Variants in MSI2 observed in about 807,000 individuals in gnomAD.
MSI2 encodes musashi RNA binding protein 2, also known as RNA-binding protein Musashi homolog 2.
Under a neutral mutation model 45.6 loss-of-function variants are expected in MSI2, and 17 were observed. The ratio of observed to expected loss-of-function variants is 0.37; its 90% CI spans 0.26 to 0.56. MSI2 has a LOEUF of 0.56. Ranked by LOEUF, MSI2 falls within the 20% of genes least tolerant of loss-of-function variation. The pLI is 0.77. For synonymous variants in MSI2, 156 were observed against 158.2 expected, an observed-to-expected ratio of 0.99 and a Z score of 0.11; for missense variants, 293 against 444.2, an observed-to-expected ratio of 0.66 and a Z score of 3.06.
intron 8 of MSI2, among the ~76,000 whole-genome samples, chr17:57,597,537 G>A (rs1278509301): frequency 1.3e-5 from 2 of 150,370 alleles, no homozygotes; most frequent in African/African-American, 2.5e-5. Context: ...GAGGTGAGAG[G>A]ATCACCTGAC....
chr17:57,512,081 G>A (rs144513576), intron 6 of MSI2, among the ~76,000 whole-genome samples: 56 of 152,296 alleles, frequency 3.7e-4, no homozygotes, highest in Non-Finnish European at 6.2e-4. Context: ...GTGCATGAAT[G>A]AATGACTAAA....
chr17:57,572,305 C>T (rs956350195), intron 7 of MSI2, among the ~76,000 whole-genome samples: 3 of 152,288 alleles, frequency 2.0e-5, no homozygotes, highest in East Asian at 3.9e-4. Context: ...ATTTTGGGTT[C>T]GCTAAGCAAG....
intron 5 of MSI2, among the ~76,000 whole-genome samples, chr17:57,272,547 G>C (rs1310149342): frequency 6.6e-6 from 1 of 152,200 alleles, no homozygotes; most frequent in Non-Finnish European, 1.5e-5. Flanking sequence ...GGCAACAACT[G>C]CTTCTTAAAT....
At chr17:57,262,801 C>T (rs1170489118) in intron 5 of MSI2, among the ~76,000 whole-genome samples, 1 of 152,202 alleles carries the variant, frequency 6.6e-6, no homozygotes, top group Non-Finnish European at 1.5e-5. Context: ...AGTGGCACTA[C>T]AAGACTTGCT....
intron 6 of MSI2, among the ~76,000 whole-genome samples, chr17:57,447,596 G>T (rs1382351330): frequency 6.6e-6 from 1 of 151,712 alleles, no homozygotes; most frequent in Admixed American, 6.6e-5. Flanking sequence ...GGGTGGGGGG[G>T]GTGTCTCAGG....
At chr17:57,333,241 A>G (rs1239654986) in intron 5 of MSI2, among the ~76,000 whole-genome samples, 1 of 152,166 alleles carries the variant, frequency 6.6e-6, no homozygotes, top group Non-Finnish European at 1.5e-5. Flanking sequence ...ACCCTGGGAA[A>G]GGTGTCTAGA....
At chr17:57,428,410 A>G (rs1239754162) in intron 6 of MSI2, among the ~76,000 whole-genome samples, 1 of 151,828 alleles carries the variant, frequency 6.6e-6, no homozygotes, top group Non-Finnish European at 1.5e-5. Context: ...TATTTTTTAA[A>G]AGAGATGTGG....
intron 6 of MSI2, among the ~76,000 whole-genome samples, chr17:57,517,218 G>A (rs1470327753): frequency 6.6e-6 from 1 of 152,200 alleles, no homozygotes; most frequent in Non-Finnish European, 1.5e-5. Context: ...GGACTCTAGG[G>A]ATGACTTTAG....
At chr17:57,687,013 C>G (rs1347990280), downstream of MSI2, among the ~76,000 whole-genome samples, 3 of 147,618 alleles carry the variant, frequency 2.0e-5, no homozygotes, top group East Asian at 3.9e-4. Flanking sequence ...CAGCCCCCCC[C>G]CCAAAAAATT....
chr17:57,643,137 G>A (rs1331754418), intron 10 of MSI2, among the ~76,000 whole-genome samples: 1 of 152,186 alleles, frequency 6.6e-6, no homozygotes, highest in Non-Finnish European at 1.5e-5. Context: ...CTCCACAGGG[G>A]ATTTCTGGCT....
At position 57,472,129 on chromosome 17, in the gene MSI2, G is replaced by A. The variant is rs143206976; in HGVS notation, c.406-57547G>A. ...GCTGCCGGTTCCTGCCTGTGAGTGG[G>A]CCTTGCTTTAAGCAAGGTTGAGAGC... On this transcript the variant is annotated intron_variant, in intron 6 of 13. Transcript: ENST00000284073. Among the ~76,000 whole-genome samples, 5 of 152,294 alleles carry A rather than the reference G, an allele frequency of 3.3e-5. No individual in the cohort carries two copies. In the East Asian group the frequency reaches 9.7e-4, roughly 29 times the overall value.
intron 9 of MSI2, chr17:57,626,623 C>G (rs999858568): frequency 1.3e-5 from 2 of 152,888 alleles, no homozygotes; most frequent in Non-Finnish European, 2.9e-5. Flanking sequence ...TGAGTCGGAG[C>G]TACACTTTGT....
Position 57,256,942 on chromosome 17 carries a change from C to G in MSI2, c.62+138C>G, listed in dbSNP as rs1016170423. ...CGCCCCCCCCGTGGAAGTTACACAC[C>G]TTTGGATTGCATTTCGCCGTCACCT... On this transcript the variant is annotated intron_variant, in intron 1 of 13. Coordinates refer to ENST00000284073, the MANE Select transcript of MSI2 (RefSeq NM_138962.4). 3.8e-4 allele frequency: 380 copies of G among 1,000,852 alleles called. 1 individual carries two copies. Among genetic ancestry groups the G allele is most frequent in the Non-Finnish European group, 4.7e-4 (335 of 714,338 alleles). The allele number at this position is 1,000,852 out of a possible 1,614,324, so 62.0% of individuals were successfully genotyped here.
At chr17:57,329,940 G>GT (rs113322197) in intron 5 of MSI2, among the ~76,000 whole-genome samples, 2,066 of 141,606 alleles carry the variant, frequency 0.015, 51 homozygotes, top group African/African-American at 0.043. Flanking sequence ...TTTTGTTTTT[G>GT]TTTTTTTTTT....
At position 57,306,437 on chromosome 17, in the gene MSI2, T is replaced by C. The variant is rs543064619; in HGVS notation, c.312+44245T>C. ...AAACGAAGTCCTGTCCGCCCCTTTA[T>C]GTTGGCTTCCTTTGTAGACACGTCC... On this transcript the variant is annotated intron_variant, in intron 5 of 13. Coordinates refer to ENST00000284073, the MANE Select transcript of MSI2 (RefSeq NM_138962.4). 8.5e-5 allele frequency among the ~76,000 whole-genome samples: 13 copies of C among 152,334 alleles called. No individual in the cohort carries two copies. The East Asian group carries it at 2.3e-3, about 27-fold the overall frequency.
chr17:57,345,806 G>A (rs1342164049), intron 5 of MSI2, among the ~76,000 whole-genome samples: 1 of 142,202 alleles, frequency 7.0e-6, no homozygotes, highest in Non-Finnish European at 1.5e-5. Context: ...GCGACAGAGT[G>A]GGACTCCGTC....
intron 11 of MSI2, among the ~76,000 whole-genome samples, chr17:57,663,146 G>T (rs1912116487): frequency 6.6e-6 from 1 of 151,792 alleles, no homozygotes; most frequent in Non-Finnish European, 1.5e-5. Flanking sequence ...CCCAGTTGCT[G>T]GGGCTTTGCT....
the MSI2 span, among the ~76,000 whole-genome samples, chr17:57,691,921 G>A: frequency 6.6e-6 from 1 of 152,128 alleles, no homozygotes; most frequent in African/African-American, 2.4e-5. Context: ...TATCTTAAAG[G>A]TAAGTGGTCA....
At chr17:57,378,174 G>A (rs138072948) in intron 5 of MSI2, among the ~76,000 whole-genome samples, 73 of 152,124 alleles carry the variant, frequency 4.8e-4, no homozygotes, top group Middle Eastern at 3.4e-3. Context: ...GTGCAATGGC[G>A]CACACAATCT....
Sources: gnomAD v4.1 joint callset for allele counts (sites outside exome capture counted in the v4.1 genomes callset) on GRCh38, gnomAD v4.1.1 for gene constraint, MANE v1.5 for transcripts, NCBI Gene and HGNC (gene_info 2026-07-23, HGNC 2026-07-21) for gene names.